Variants in RBFOX1 observed in about 807,000 individuals in gnomAD.
RBFOX1 encodes the protein RNA binding protein fox-1 homolog 1.
Under a neutral mutation model 57.7 loss-of-function variants are expected in RBFOX1, and 8 were observed. That is an observed-to-expected ratio of 0.14 (90% confidence interval 0.08 to 0.25). The LOEUF is 0.25. Ranked by LOEUF, RBFOX1 falls within the 10% of genes least tolerant of loss-of-function variation. RBFOX1 has a pLI of 1.00. For missense variants in RBFOX1, 611 were observed against 548.5 expected, an observed-to-expected ratio of 1.11 and a Z score of -1.14; for synonymous variants, 326 against 222.4, an observed-to-expected ratio of 1.47 and a Z score of -4.15.
At chr16:6,159,324 G>T (rs1485522433) in intron 1 of RBFOX1, among the ~76,000 whole-genome samples, 1 of 152,138 alleles carries the variant, frequency 6.6e-6, no homozygotes, top group Non-Finnish European at 1.5e-5. Flanking sequence ...TGATCTGCCC[G>T]CCTCGGCCTC....
chr16:7,272,919 C>G (rs4516244), intron 4 of RBFOX1, among the ~76,000 whole-genome samples: 51,726 of 139,404 alleles, frequency 0.37, 10,841 homozygotes, highest in African/African-American at 0.57. Flanking sequence ...TCCCTCCCCT[C>G]CCTCCTTCCT....
chr16:5,536,385 C>T (rs2151048000), intron 2 of RBFOX1, among the ~76,000 whole-genome samples: 1 of 152,040 alleles, frequency 6.6e-6, no homozygotes, highest in Non-Finnish European at 1.5e-5. Flanking sequence ...CAGGTGCCCG[C>T]CACCATGCCC....
At chr16:6,900,436 T>C (rs573282909) in intron 3 of RBFOX1, among the ~76,000 whole-genome samples, 2 of 152,344 alleles carry the variant, frequency 1.3e-5, no homozygotes, top group South Asian at 4.1e-4. Flanking sequence ...CTATCTGCTC[T>C]CCCACTTAAA....
intron 4 of RBFOX1, among the ~76,000 whole-genome samples, chr16:7,260,506 C>G (rs1004031164): frequency 1.3e-5 from 2 of 152,052 alleles, no homozygotes; most frequent in Non-Finnish European, 1.5e-5. Context: ...TACTCTTTCC[C>G]CGTTAACTGC....
chr16:7,095,183 C>T (rs922139277), intron 4 of RBFOX1, among the ~76,000 whole-genome samples: 3 of 152,188 alleles, frequency 2.0e-5, no homozygotes, highest in African/African-American at 4.8e-5. Flanking sequence ...GTCGCCCACG[C>T]TGGAGTGCAG....
At chr16:6,395,130 G>T (rs1453030120) in intron 2 of RBFOX1, among the ~76,000 whole-genome samples, 14 of 152,212 alleles carry the variant, frequency 9.2e-5, no homozygotes, top group Admixed American at 9.2e-4. Context: ...GTTTGCTAAA[G>T]ATATGGTGAC....
chr16:6,399,315 A>G (rs1437816041), intron 2 of RBFOX1, among the ~76,000 whole-genome samples: 5 of 152,162 alleles, frequency 3.3e-5, no homozygotes, highest in East Asian at 1.9e-4. Flanking sequence ...CATTTTCCCC[A>G]TTGTCTTGGT....
chr16:7,174,311 T>G (rs149028469), intron 4 of RBFOX1, among the ~76,000 whole-genome samples: 1 of 152,314 alleles, frequency 6.6e-6, no homozygotes, highest in African/African-American at 2.4e-5. Context: ...GTTTATCCAT[T>G]TACCCATTTA....
intron 4 of RBFOX1, among the ~76,000 whole-genome samples, chr16:7,343,949 C>G (rs1215110108): frequency 6.6e-6 from 1 of 152,058 alleles, no homozygotes; most frequent in Admixed American, 6.6e-5. Context: ...AGTTTATTTC[C>G]AAGCGTAAAG....
upstream of RBFOX1, among the ~76,000 whole-genome samples, chr16:6,016,666 G>A (rs1171224879): frequency 6.6e-6 from 1 of 152,186 alleles, no homozygotes; most frequent in East Asian, 1.9e-4. Context: ...AAATTGGAAA[G>A]TATTTTTCAT....
At chr16:7,157,182 C>T (rs929772924) in intron 4 of RBFOX1, among the ~76,000 whole-genome samples, 1 of 152,216 alleles carries the variant, frequency 6.6e-6, no homozygotes, top group Non-Finnish European at 1.5e-5. Context: ...TCGTTTCAGC[C>T]TTAGAATTGC....
At chr16:7,347,323 G>C (rs768717598) in intron 4 of RBFOX1, among the ~76,000 whole-genome samples, 1 of 152,130 alleles carries the variant, frequency 6.6e-6, no homozygotes. Flanking sequence ...CAATCATGTT[G>C]GAAGGTAAAA....
intron 1 of RBFOX1, among the ~76,000 whole-genome samples, chr16:6,290,111 T>C (rs2077312094): frequency 6.6e-6 from 1 of 151,660 alleles, no homozygotes; most frequent in Non-Finnish European, 1.5e-5. Context: ...GAGGGGTATG[T>C]AGCTTGGATC....
chr16:6,830,964 G>T (rs916847754), intron 3 of RBFOX1, among the ~76,000 whole-genome samples: 1 of 152,108 alleles, frequency 6.6e-6, no homozygotes, highest in African/African-American at 2.4e-5. Context: ...ATTTAATTGC[G>T]ATATGTAAAG....
chr16:7,154,143 T>A (rs556119816), intron 4 of RBFOX1, among the ~76,000 whole-genome samples: 1 of 152,306 alleles, frequency 6.6e-6, no homozygotes, highest in Non-Finnish European at 1.5e-5. Flanking sequence ...TCATAGTTCA[T>A]CATCCAAAAG....
At chr16:5,439,990 A>T (rs556230321) in intron 1 of RBFOX1, among the ~76,000 whole-genome samples, 1 of 152,332 alleles carries the variant, frequency 6.6e-6, no homozygotes, top group Non-Finnish European at 1.5e-5. Context: ...CCAGAGCTAA[A>T]GATATTAGTT....
chr16:6,158,993 C>G (rs113923978), intron 1 of RBFOX1, among the ~76,000 whole-genome samples: 1,993 of 152,122 alleles, frequency 0.013, 20 homozygotes, highest in Middle Eastern at 0.027. Context: ...ACCTCCACCT[C>G]CTGGGTTCAA....
intron 1 of RBFOX1, among the ~76,000 whole-genome samples, chr16:6,254,875 A>G (rs889096248): frequency 6.6e-5 from 10 of 152,152 alleles, no homozygotes; most frequent in African/African-American, 2.4e-4. Flanking sequence ...TGGTGCAACA[A>G]CTTTTTCTTG....
chr16:5,624,989 C>T (rs61569460), intron 3 of RBFOX1, among the ~76,000 whole-genome samples: 1 of 152,192 alleles, frequency 6.6e-6, no homozygotes, highest in Non-Finnish European at 1.5e-5. Context: ...GAGGGTGACT[C>T]TCGGGCCAGA....
Sources: gnomAD v4.1 joint callset for allele counts (sites outside exome capture counted in the v4.1 genomes callset) on GRCh38, gnomAD v4.1.1 for gene constraint, MANE v1.5 for transcripts, NCBI Gene and HGNC (gene_info 2026-07-23, HGNC 2026-07-21) for gene names.